The following POU6F2 variants were observed in gnomAD, a reference collection of about 807,000 sequenced individuals.
The protein encoded by POU6F2 is POU class 6 homeobox 2.
Under a neutral mutation model 71.3 loss-of-function variants are expected in POU6F2, and 31 were observed. The observed-to-expected ratio is 0.43, with a 90% CI of 0.33 to 0.59. The LOEUF is 0.59. POU6F2 is among the 20% of genes least tolerant of loss of function. The pLI is 0.04. For synonymous variants in POU6F2, 347 were observed against 355.7 expected (o/e 0.98, Z 0.27); for missense variants, 783 against 856.8 (o/e 0.91, Z 1.07).
intron 2 of POU6F2, among the ~76,000 whole-genome samples, chr7:39,124,135 C>T (rs1399310953): frequency 6.6e-6 from 1 of 151,378 alleles, no homozygotes; most frequent in Non-Finnish European, 1.5e-5. Context: ...CAACCTCCAC[C>T]TCCCGGGTTC....
At chr7:39,260,462 A>G (rs984221473) in intron 4 of POU6F2, among the ~76,000 whole-genome samples, 2 of 150,866 alleles carry the variant, frequency 1.3e-5, no homozygotes, top group East Asian at 3.9e-4. Context: ...TACCACACAC[A>G]TACACACCAT....
At chr7:39,293,287 G>A (rs1784795834) in intron 4 of POU6F2, among the ~76,000 whole-genome samples, 1 of 152,088 alleles carries the variant, frequency 6.6e-6, no homozygotes, top group South Asian at 2.1e-4. Context: ...GGTGTTTCCG[G>A]GCTGTGTGTT....
At chr7:39,451,364 CAAAA>C (rs10595595) in intron 7 of POU6F2, among the ~76,000 whole-genome samples, 165 bp from the exon 8 acceptor site, 2 of 111,156 alleles carry the variant, frequency 1.8e-5, no homozygotes, top group Admixed American at 9.6e-5. Context: ...ATGTGCTCTA[CAAAA>C]AAAAAAAAAA....
intron 1 of POU6F2, among the ~76,000 whole-genome samples, chr7:38,999,976 T>C (rs538228547): frequency 3.3e-5 from 5 of 152,194 alleles, no homozygotes; most frequent in Non-Finnish European, 5.9e-5. Flanking sequence ...AAGTAGGTAC[T>C]AAAACTTTTT....
At chr7:39,036,345 T>G (rs1035097339) in intron 1 of POU6F2, among the ~76,000 whole-genome samples, 2 of 152,160 alleles carry the variant, frequency 1.3e-5, no homozygotes, top group African/African-American at 4.8e-5. Flanking sequence ...TCTTTTAGAA[T>G]ATGCTTCCAT....
intron 2 of POU6F2, among the ~76,000 whole-genome samples, chr7:39,112,321 C>G (rs1159556091): frequency 6.6e-6 from 1 of 152,048 alleles, no homozygotes; most frequent in Non-Finnish European, 1.5e-5. Context: ...GAACAAATAC[C>G]CTTACAAAGA....
chr7:39,439,290 G>A (rs556484007), intron 7 of POU6F2, among the ~76,000 whole-genome samples: 161 of 151,888 alleles, frequency 1.1e-3, no homozygotes, highest in African/African-American at 3.3e-3. Flanking sequence ...ACAACACACC[G>A]ATGGGTCTTG....
chr7:39,089,441 T>C (rs1370137456), intron 2 of POU6F2, among the ~76,000 whole-genome samples: 1 of 152,180 alleles, frequency 6.6e-6, no homozygotes, highest in East Asian at 1.9e-4. Context: ...TGTGATCAGA[T>C]GAGTGATGCT....
At chr7:39,224,742 T>C (rs1394729012) in intron 4 of POU6F2, among the ~76,000 whole-genome samples, 1 of 152,228 alleles carries the variant, frequency 6.6e-6, no homozygotes, top group Non-Finnish European at 1.5e-5. Flanking sequence ...ATCAGCCTCA[T>C]GAATGTCTGT....
In POU6F2 at chr7:39,105,417, AT is replaced by A. The variant is rs1423289807; in HGVS notation, c.277+19394del. Among the ~76,000 whole-genome samples the A allele has an allele frequency of 6.8e-5, 10 of 147,132 alleles. No homozygotes were observed. The East Asian group carries it at 1.5e-3, about 22-fold the overall frequency. Reference sequence around the variant, plus strand: ...AATTAAATAAGTTCTATGTTTTAGAATTTTTTTTAACCTCAGGTTTTTTTTT... The same window carrying A: ...AATTAAATAAGTTCTATGTTTTAGAATTTTTTTAACCTCAGGTTTTTTTTT... On this transcript the variant is annotated intron_variant, in intron 2 of 9. Coordinates refer to ENST00000518318, the MANE Select transcript of POU6F2 (RefSeq NM_001370959.1).
intron 1 of POU6F2, among the ~76,000 whole-genome samples, chr7:39,015,664 AG>A (rs1789471755): frequency 1.5e-5 from 1 of 67,866 alleles, no homozygotes; most frequent in South Asian, 4.9e-4. Context: ...TATTATATAT[AG>A]ATATATTATA....
chr7:39,170,912 T>C (rs1562732407), intron 2 of POU6F2, among the ~76,000 whole-genome samples: 2 of 150,928 alleles, frequency 1.3e-5, no homozygotes, highest in Non-Finnish European at 1.5e-5. Context: ...GCTTTCACTT[T>C]ACAAAAAAAA....
At chr7:39,359,486 T>C (rs1054643084) in intron 5 of POU6F2, among the ~76,000 whole-genome samples, 5 of 152,176 alleles carry the variant, frequency 3.3e-5, no homozygotes, top group Non-Finnish European at 7.4e-5. Context: ...TATTAAAATA[T>C]TTTTATGTAA....
chr7:39,053,786 G>A (rs1285441378), intron 1 of POU6F2, among the ~76,000 whole-genome samples: 1 of 151,826 alleles, frequency 6.6e-6, no homozygotes, highest in Non-Finnish European at 1.5e-5. Context: ...ATCAGTACTG[G>A]CAAATAGAAC....
intron 4 of POU6F2, among the ~76,000 whole-genome samples, chr7:39,332,841 G>A (rs1785683964): frequency 6.6e-6 from 1 of 152,234 alleles, no homozygotes; most frequent in Admixed American, 6.5e-5. Context: ...ACTGGGAAAA[G>A]CAATGGAGAG....
intron 2 of POU6F2, among the ~76,000 whole-genome samples, chr7:39,187,650 G>A (rs985672842): frequency 3.3e-5 from 5 of 152,222 alleles, no homozygotes; most frequent in Non-Finnish European, 7.3e-5. Flanking sequence ...CCAGGCAAAG[G>A]TAACTGACAG....
At chr7:38,998,125 A>C (rs1199036772) in intron 1 of POU6F2, among the ~76,000 whole-genome samples, 1 of 152,202 alleles carries the variant, frequency 6.6e-6, no homozygotes, top group Non-Finnish European at 1.5e-5. Context: ...TTAAATGATC[A>C]AGTCTTTTAT....
Position 39,322,131 on chromosome 7 carries a change from G to A in POU6F2, c.599-17511G>A, listed in dbSNP as rs559365847. On this transcript the variant is annotated intron_variant, in intron 4 of 9. Coordinates refer to ENST00000518318, the MANE Select transcript of POU6F2 (RefSeq NM_001370959.1). ...AAGGGATCTTTGTGTTGCTTTACCC[G>A]TCCTATTAGCGAATCTGTGCTCATC... Among the ~76,000 whole-genome samples the A allele has an allele frequency of 1.1e-3, 160 of 152,208 alleles. No individual in the cohort carries two copies. The Middle Eastern group carries it at 0.014, about 13-fold the overall frequency.
chr7:39,232,163 A>T (rs1794588959), intron 4 of POU6F2, among the ~76,000 whole-genome samples: 1 of 152,212 alleles, frequency 6.6e-6, no homozygotes, highest in Non-Finnish European at 1.5e-5. Flanking sequence ...TAAATATTCA[A>T]CAATTTTAGA....
Sources: allele counts gnomAD v4.1 joint callset (sites outside exome capture counted in the v4.1 genomes callset), GRCh38; gene constraint gnomAD v4.1.1; transcripts MANE v1.5; gene names NCBI Gene and HGNC (gene_info 2026-07-23, HGNC 2026-07-21).